Variants in KCNT2 observed in about 807,000 individuals in gnomAD.
The protein encoded by KCNT2 is potassium channel subfamily T member 2.
KCNT2 carries 67 observed loss-of-function variants against 153.8 expected under a neutral mutation model. The ratio of observed to expected loss-of-function variants is 0.44; its 90% CI spans 0.36 to 0.53. The LOEUF (loss-of-function observed/expected upper bound fraction) is 0.53, where lower values mean the gene tolerates loss of function less well. Ranked by LOEUF, KCNT2 falls within the 20% of genes least tolerant of loss-of-function variation. The probability of loss-of-function intolerance (pLI) is 0.00; values close to 1 mark genes in which losing one functional copy is unlikely to be tolerated. For synonymous variants in KCNT2, 500 were observed against 458.8 expected (o/e 1.09, Z -1.15); for missense variants, 975 against 1,354.8 (o/e 0.72, Z 4.40).
At chr1:196,450,378 T>A (rs1016462248) in intron 8 of KCNT2, among the ~76,000 whole-genome samples, 1 of 151,914 alleles carries the variant, frequency 6.6e-6, no homozygotes, top group Non-Finnish European at 1.5e-5. Context: ...TCCTAATCCC[T>A]CTACTGAACT....
At chr1:196,293,981 A>G (rs1005995981) in intron 22 of KCNT2, among the ~76,000 whole-genome samples, 3 of 152,166 alleles carry the variant, frequency 2.0e-5, no homozygotes, top group Admixed American at 1.3e-4. Flanking sequence ...TCCAAAATAT[A>G]TAAGGACTCA....
In KCNT2 at chr1:196,536,831, C is replaced by T. The variant is rs577961150; in HGVS notation, c.96-44490G>A. 3.3e-5 allele frequency among the ~76,000 whole-genome samples: 5 copies of T among 152,276 alleles called. No homozygotes were observed. In the South Asian group the frequency reaches 6.2e-4, roughly 19 times the overall value. ...CTTTCCCAGTCCGAGGGACTGTTAT[C>T]CATGAATACACCCATCCCACTATTG... On this transcript the variant is annotated intron_variant, in intron 1 of 27. Coordinates refer to ENST00000294725, the MANE Select transcript of KCNT2 (RefSeq NM_198503.5).
In KCNT2 at chr1:196,284,230, T is replaced by TAAAAAAAA. The variant is rs1190571024; in HGVS notation, c.2697+1419_2697+1426dup. On this transcript the variant is annotated intron_variant, in intron 23 of 27. Coordinates refer to ENST00000294725, the MANE Select transcript of KCNT2 (RefSeq NM_198503.5). Reference sequence around the variant, plus strand: ...TGGGCGACAGAGCAAGACTCTGTCTTAAAAAAAAAAAAAAAAAAATATATA... The same window carrying TAAAAAAAA: ...TGGGCGACAGAGCAAGACTCTGTCTTAAAAAAAAAAAAAAAAAAAAAAAAAAATATATA... 2.7e-3 allele frequency among the ~76,000 whole-genome samples: 8 copies of TAAAAAAAA among 2,972 alleles called. 2 individuals are homozygous for TAAAAAAAA. Among genetic ancestry groups the TAAAAAAAA allele is most frequent in the East Asian group, 0.059 (2 of 34 alleles). 1.9% of individuals were successfully genotyped at this position (2,972 alleles called of 152,430 possible).
At chr1:196,518,014 G>T (rs935628877) in intron 1 of KCNT2, among the ~76,000 whole-genome samples, 2 of 152,128 alleles carry the variant, frequency 1.3e-5, no homozygotes, top group Non-Finnish European at 2.9e-5. Flanking sequence ...CAGCTAGAGA[G>T]AAAGGGCAGG....
intron 1 of KCNT2, among the ~76,000 whole-genome samples, chr1:196,533,828 T>A (rs1655232863): frequency 6.6e-6 from 1 of 152,126 alleles, no homozygotes; most frequent in African/African-American, 2.4e-5. Flanking sequence ...AAATGTTTAC[T>A]TACACATTGG....
chr1:196,496,846 G>A (rs187513325), intron 1 of KCNT2, among the ~76,000 whole-genome samples: 10 of 152,266 alleles, frequency 6.6e-5, no homozygotes, highest in African/African-American at 1.9e-4. Context: ...TGCACGTTTG[G>A]CATATGGGAG....
At chr1:196,464,970 G>C (rs1450487209) in intron 8 of KCNT2, among the ~76,000 whole-genome samples, 1 of 151,952 alleles carries the variant, frequency 6.6e-6, no homozygotes, top group East Asian at 1.9e-4. Flanking sequence ...GGGCACTTCT[G>C]TAACAGTAGT....
chr1:196,284,127 A>C (rs1208530721), intron 23 of KCNT2, among the ~76,000 whole-genome samples: 1 of 147,242 alleles, frequency 6.8e-6, no homozygotes, highest in Non-Finnish European at 1.5e-5. Context: ...GCTATTTGGG[A>C]GCCTGAGGCA....
chr1:196,335,036 A>T (rs559094079), intron 16 of KCNT2, among the ~76,000 whole-genome samples: 2 of 152,132 alleles, frequency 1.3e-5, no homozygotes, highest in Non-Finnish European at 2.9e-5. Flanking sequence ...CCCTTTGTGA[A>T]TTTTATTGAA....
chr1:196,414,217 T>G (rs1672570409), intron 12 of KCNT2, among the ~76,000 whole-genome samples: 1 of 151,734 alleles, frequency 6.6e-6, no homozygotes, highest in Non-Finnish European at 1.5e-5. Flanking sequence ...AACAGATTAT[T>G]CTAATTCAAA....
intron 8 of KCNT2, among the ~76,000 whole-genome samples, chr1:196,460,206 T>A (rs1677029942): frequency 6.8e-6 from 1 of 147,702 alleles, no homozygotes; most frequent in Non-Finnish European, 1.5e-5. Flanking sequence ...TCCAAGGGTA[T>A]TTTTTTAAAT....
intron 1 of KCNT2, among the ~76,000 whole-genome samples, chr1:196,533,669 G>T (rs1477600168): frequency 1.3e-5 from 2 of 152,046 alleles, no homozygotes; most frequent in African/African-American, 4.8e-5. Flanking sequence ...CTCAGCTTGG[G>T]TGCAGAAGTA....
chr1:196,357,533 A>C (rs1288915322), intron 14 of KCNT2, among the ~76,000 whole-genome samples: 1 of 151,874 alleles, frequency 6.6e-6, no homozygotes, highest in Non-Finnish European at 1.5e-5. Context: ...TTTCAGTGGT[A>C]AATTTTAGGA....
At chr1:196,590,326 AATCCCAC>A (rs1203577296) in intron 1 of KCNT2, among the ~76,000 whole-genome samples, 2 of 152,230 alleles carry the variant, frequency 1.3e-5, no homozygotes, top group African/African-American at 4.8e-5. Flanking sequence ...ACTGTATAGA[AATCCCAC>A]ATCTGCCACA....
intron 7 of KCNT2, among the ~76,000 whole-genome samples, chr1:196,465,993 T>C (rs1213221509): frequency 6.6e-6 from 1 of 152,046 alleles, no homozygotes; most frequent in Non-Finnish European, 1.5e-5. Context: ...AATAACTAAG[T>C]TGACTGATTT....
chr1:196,496,214 A>T (rs1572640438), intron 1 of KCNT2, among the ~76,000 whole-genome samples: 1 of 152,262 alleles, frequency 6.6e-6, no homozygotes, highest in East Asian at 1.9e-4. Context: ...TCACACCTGT[A>T]ATCCCAGCAA....
At chr1:196,247,043 A>G (rs1021963339) in intron 26 of KCNT2, among the ~76,000 whole-genome samples, 4 of 152,164 alleles carry the variant, frequency 2.6e-5, no homozygotes, top group Non-Finnish European at 5.9e-5. Context: ...TACAAGAAAC[A>G]CACTTCCCTT....
chr1:196,314,186 G>C (rs1488585657), intron 21 of KCNT2, among the ~76,000 whole-genome samples: 16 of 151,394 alleles, frequency 1.1e-4, no homozygotes, highest in Non-Finnish European at 1.5e-5. Flanking sequence ...TAAATCAATA[G>C]AAATGTCACC....
At chr1:196,483,789 C>A (rs987829650) in intron 3 of KCNT2, among the ~76,000 whole-genome samples, 3 of 152,088 alleles carry the variant, frequency 2.0e-5, no homozygotes, top group Non-Finnish European at 4.4e-5. Context: ...TGTATCCTTG[C>A]AATTACAAGT....
Sources: gnomAD v4.1 joint callset for allele counts (sites outside exome capture counted in the v4.1 genomes callset) on GRCh38, gnomAD v4.1.1 for gene constraint, MANE v1.5 for transcripts, NCBI Gene and HGNC (gene_info 2026-07-23, HGNC 2026-07-21) for gene names.